KCNMA1: variants seen among roughly 807,000 people sequenced by gnomAD.
KCNMA1 encodes the protein potassium calcium-activated channel subfamily M alpha 1, also known as Calcium-activated potassium channel subunit alpha-1.
In KCNMA1, 29 loss-of-function variants were observed where a neutral mutation model predicts 140.0. That is an observed-to-expected ratio of 0.21 (90% CI 0.15 to 0.28). KCNMA1 has a LOEUF of 0.28. Ranked by LOEUF, KCNMA1 falls within the 10% of genes least tolerant of loss-of-function variation. KCNMA1 has a pLI of 1.00. For missense variants in KCNMA1, 880 were observed against 1,602.2 expected (o/e 0.55, Z 7.70); for synonymous variants, 612 against 611.9 (o/e 1.00, Z 0.00).
chr10:76,920,399 A>G (rs529212677), intron 23 of KCNMA1, among the ~76,000 whole-genome samples: 2 of 152,226 alleles, frequency 1.3e-5, no homozygotes, highest in Admixed American at 6.5e-5. Flanking sequence ...TATTTTTCAG[A>G]GGAGGAAACT....
chr10:77,252,492 C>T (rs1305109638), intron 2 of KCNMA1, among the ~76,000 whole-genome samples: 3 of 149,712 alleles, frequency 2.0e-5, no homozygotes, highest in African/African-American at 7.4e-5. Flanking sequence ...GAGAGGAATC[C>T]CAATTTATGT....
chr10:77,506,644 GGAGAGAGAGA>G (rs36130333), intron 1 of KCNMA1, among the ~76,000 whole-genome samples: 1 of 37,882 alleles, frequency 2.6e-5, no homozygotes, highest in Non-Finnish European at 5.0e-5. Flanking sequence ...AGACAGAGAG[GGAGAGAGAGA>G]GAGAGAGAGA....
At chr10:77,435,504 T>C (rs1329757176) in intron 1 of KCNMA1, among the ~76,000 whole-genome samples, 1 of 152,132 alleles carries the variant, frequency 6.6e-6, no homozygotes, top group Non-Finnish European at 1.5e-5. Flanking sequence ...ACTTTCTCCC[T>C]GAGATAACTA....
intron 5 of KCNMA1, among the ~76,000 whole-genome samples, chr10:77,121,789 T>C (rs1375198526): frequency 2.6e-5 from 4 of 152,268 alleles, no homozygotes; most frequent in Admixed American, 6.5e-5. Context: ...CAAATTATTA[T>C]GTTTTAATAG....
At chr10:77,430,489 C>T (rs528691107) in intron 1 of KCNMA1, among the ~76,000 whole-genome samples, 1 of 152,172 alleles carries the variant, frequency 6.6e-6, no homozygotes, top group Non-Finnish European at 1.5e-5. Context: ...TCATCCTCAA[C>T]CTTGGCAAAA....
chr10:77,523,209 C>CCCA (rs1555416261), intron 1 of KCNMA1, among the ~76,000 whole-genome samples: 1 of 150,008 alleles, frequency 6.7e-6, no homozygotes, highest in South Asian at 2.2e-4. Flanking sequence ...ACGTGCCCCC[C>CCCA]CCCCTTGCAA....
intron 1 of KCNMA1, among the ~76,000 whole-genome samples, chr10:77,543,645 A>T (rs1451601432): frequency 2.0e-5 from 3 of 152,212 alleles, no homozygotes; most frequent in African/African-American, 7.2e-5. Flanking sequence ...AAGAAAACAA[A>T]TCAAAGACCA....
intron 1 of KCNMA1, among the ~76,000 whole-genome samples, chr10:77,449,783 C>T (rs997461283): frequency 3.3e-5 from 5 of 151,732 alleles, no homozygotes; most frequent in Admixed American, 1.3e-4. Flanking sequence ...GCTGGGACTA[C>T]AGGCACCCAC....
intron 9 of KCNMA1, among the ~76,000 whole-genome samples, chr10:77,106,788 G>C (rs2097206535): frequency 6.6e-6 from 1 of 152,170 alleles, no homozygotes; most frequent in Non-Finnish European, 1.5e-5. Flanking sequence ...TGACCACTGG[G>C]AATCTTTGGA....
intron 25 of KCNMA1, among the ~76,000 whole-genome samples, chr10:76,893,668 C>T (rs1046663531): frequency 5.3e-5 from 8 of 151,984 alleles, no homozygotes; most frequent in South Asian, 2.1e-4. Context: ...TGAACCCGGG[C>T]GGCAGATGTT....
At chr10:77,092,150 C>T (rs2096832664) in intron 9 of KCNMA1, 1 of 152,144 alleles carries the variant, frequency 6.6e-6, no homozygotes, top group South Asian at 2.1e-4. Context: ...GCCCAAAGCC[C>T]ATATGACTAA....
At chr10:77,364,763 C>T (rs533216025) in intron 2 of KCNMA1, among the ~76,000 whole-genome samples, 7 of 152,318 alleles carry the variant, frequency 4.6e-5, no homozygotes, top group Non-Finnish European at 1.0e-4. Context: ...AGCCCCACAG[C>T]ACCTGGGACA....
intron 2 of KCNMA1, among the ~76,000 whole-genome samples, chr10:77,335,898 C>T (rs1438200283): frequency 6.6e-6 from 1 of 152,218 alleles, no homozygotes; most frequent in East Asian, 1.9e-4. Context: ...CATATCACCC[C>T]TTGTCCCTCC....
chr10:77,027,641 G>C (rs1197608831), intron 16 of KCNMA1, among the ~76,000 whole-genome samples, 182 bp downstream of exon 16: 3 of 152,180 alleles, frequency 2.0e-5, no homozygotes, highest in Non-Finnish European at 4.4e-5. Flanking sequence ...AGGCTGGTCT[G>C]GCATAGAAGC....
intron 24 of KCNMA1, chr10:76,910,370 CCAGT>C: frequency 2.3e-6 from 1 of 430,702 alleles, no homozygotes; most frequent in Non-Finnish European, 4.4e-6. Context: ...ACTGTGCTGG[CCAGT>C]CCTTTGGCAT....
chr10:77,386,301 A>G (rs664470), intron 2 of KCNMA1, among the ~76,000 whole-genome samples: 34,021 of 152,292 alleles, frequency 0.22, 4,229 homozygotes, highest in Admixed American at 0.28. Context: ...ACAACGAACC[A>G]TAGTCCCGTT....
chr10:77,152,104 G>A (rs1043968079), intron 5 of KCNMA1, among the ~76,000 whole-genome samples: 9 of 152,132 alleles, frequency 5.9e-5, no homozygotes, highest in African/African-American at 2.2e-4. Context: ...GTTTAGGACA[G>A]AGGGTCCAAG....
chr10:77,208,669 C>A (rs376133731), intron 3 of KCNMA1, among the ~76,000 whole-genome samples: 4 of 152,094 alleles, frequency 2.6e-5, no homozygotes, highest in African/African-American at 9.7e-5. Flanking sequence ...GACAAACATA[C>A]AGTAGAAAAG....
At chr10:77,519,787 C>A (rs2052148523) in intron 1 of KCNMA1, among the ~76,000 whole-genome samples, 1 of 152,232 alleles carries the variant, frequency 6.6e-6, no homozygotes, top group Admixed American at 6.5e-5. Flanking sequence ...AGTTAGAAAA[C>A]TTCTGCATTC....
Sources: allele counts gnomAD v4.1 joint callset (sites outside exome capture counted in the v4.1 genomes callset), GRCh38; gene constraint gnomAD v4.1.1; transcripts MANE v1.5; gene names NCBI Gene and HGNC (gene_info 2026-07-23, HGNC 2026-07-21).